TULP4: variants seen among roughly 807,000 people sequenced by gnomAD.
The protein encoded by TULP4 is TUB like protein 4, also known as tubby-related protein 4.
In TULP4, 16 loss-of-function variants were observed where a neutral mutation model predicts 129.0. The ratio of observed to expected loss-of-function variants is 0.12; its 90% CI spans 0.08 to 0.19. TULP4 has a LOEUF of 0.19. TULP4 is among the 10% of genes least tolerant of loss of function. The pLI is 1.00. For missense variants in TULP4, 1,842 were observed against 2,059.1 expected (o/e 0.89, Z 2.04); for synonymous variants, 998 against 854.0 (o/e 1.17, Z -2.94).
chr6:158,349,066 C>CTGGG (rs1780405648), intron 1 of TULP4, among the ~76,000 whole-genome samples: 4 of 63,532 alleles, frequency 6.3e-5, no homozygotes, highest in South Asian at 4.5e-4. Flanking sequence ...GACGGGGCGG[C>CTGGG]CAGGCAGAGG....
chr6:158,376,917 C>T (rs1350343513), intron 1 of TULP4, among the ~76,000 whole-genome samples: 1 of 152,204 alleles, frequency 6.6e-6, no homozygotes, highest in Admixed American at 6.5e-5. Flanking sequence ...CCTGTGACAG[C>T]CACTGGAGAA....
At position 158,302,194 on chromosome 6, in the gene TULP4, A is replaced by G. The variant is rs553769519; in HGVS notation, n.117-9857A>G. Among the ~76,000 whole-genome samples the G allele has an allele frequency of 2.0e-5, 3 of 152,382 alleles. No individual in the cohort carries two copies. In the East Asian group the frequency reaches 5.8e-4, roughly 29 times the overall value. On this transcript the variant is annotated intron_variant and non_coding_transcript_variant, in intron 1 of 1. Coordinates refer to the TULP4 transcript ENST00000432358. ...AGCACCTGTCCAACATAAAGCTGGC[A>G]GATGGTAGGGCTATTCAGCACTCCC... is the stretch of plus-strand genomic sequence containing the variant.
intron 1 of TULP4, among the ~76,000 whole-genome samples, chr6:158,265,870 G>A (rs550709235): frequency 6.6e-6 from 1 of 152,228 alleles, no homozygotes; most frequent in South Asian, 2.1e-4. Flanking sequence ...TAAAACTTTT[G>A]TATTTCACTC....
intron 1 of TULP4, among the ~76,000 whole-genome samples, chr6:158,245,158 A>G (rs1273416033): frequency 6.9e-6 from 1 of 145,460 alleles, no homozygotes; most frequent in Non-Finnish European, 1.5e-5. Flanking sequence ...TGGTCAATTA[A>G]ATTTTTTTTT....
rs1583838097 is a variant in TULP4 at position 158,401,685 on chromosome 6, T to C, written c.253-11380T>C. Among the ~76,000 whole-genome samples the C allele has an allele frequency of 3.9e-5, 6 of 152,192 alleles. 1 individual carries two copies. The South Asian group carries it at 1.2e-3, about 32-fold the overall frequency. ...GAGTCAGCTCTGGACATGAAGGAGC[T>C]CATCTCCGTCTGTAGTGCATCTGAG... On this transcript the variant is annotated intron_variant, in intron 1 of 13. Transcript: ENST00000367097.
At chr6:158,288,755 C>G (rs1207266979) in intron 1 of TULP4, among the ~76,000 whole-genome samples, 1 of 152,192 alleles carries the variant, frequency 6.6e-6, no homozygotes, top group Non-Finnish European at 1.5e-5. Flanking sequence ...CCTCCTCGAC[C>G]TCCCAAAGTG....
rs547917053 is a variant in TULP4 at position 158,303,354 on chromosome 6, C to T, written n.117-8697C>T. Reference sequence around the variant, plus strand: ...GGCCTCTGGGCATGACATCACATGTCGGTAGGACCGTGATGCCCGCCTGAG... The same window carrying T: ...GGCCTCTGGGCATGACATCACATGTTGGTAGGACCGTGATGCCCGCCTGAG... On this transcript the variant is annotated intron_variant and non_coding_transcript_variant, in intron 1 of 1. Transcript: ENST00000432358. Among the ~76,000 whole-genome samples the T allele has an allele frequency of 5.3e-5, 8 of 152,098 alleles. No individual in the cohort carries two copies. The East Asian group carries it at 5.8e-4, about 11-fold the overall frequency.
rs577692701 is a variant in TULP4, at chr6:158,464,748, G to A, written c.1026+3019G>A. On this transcript the variant is annotated intron_variant, in intron 6 of 13. Coordinates refer to ENST00000367097, the MANE Select transcript of TULP4 (RefSeq NM_020245.5). Reference sequence around the variant, plus strand: ...AACTACTTAAGTAGCAGGCTTCAGGGTGAATAAATGGTAAATGTCTCCTTT... The same window carrying A: ...AACTACTTAAGTAGCAGGCTTCAGGATGAATAAATGGTAAATGTCTCCTTT... Among the ~76,000 whole-genome samples the A allele has an allele frequency of 3.3e-5, 5 of 152,278 alleles. No homozygotes were observed. In the South Asian group the frequency reaches 1.0e-3, roughly 32 times the overall value.
chr6:158,254,590 T>C (rs1006248931), intron 1 of TULP4, among the ~76,000 whole-genome samples: 8 of 152,280 alleles, frequency 5.3e-5, no homozygotes, highest in Admixed American at 2.0e-4. Flanking sequence ...TGCTTACTTA[T>C]GTTTAACCCC....
chr6:158,452,407 T>A, intron 5 of TULP4, 139 bp downstream of exon 5: 4 of 1,093,414 alleles, frequency 3.7e-6, no homozygotes, highest in East Asian at 2.7e-5. Context: ...GTCTGTTAAC[T>A]AAAGCCACTC....
intron 1 of TULP4, among the ~76,000 whole-genome samples, chr6:158,408,146 C>T (rs1428507330): frequency 6.6e-6 from 1 of 152,066 alleles, no homozygotes; most frequent in African/African-American, 2.4e-5. Context: ...ATTTGTGTGA[C>T]GGAGCGCAGT....
Position 158,459,506 on chromosome 6 carries a change from T to G in TULP4, c.860-2057T>G, listed in dbSNP as rs188848261. ...ATTCTTGCCTCAGATAGATAGCCCA[T>G]CTCGTAGACAGAGCCTGGGAGTGCC... On this transcript the variant is annotated intron_variant, in intron 5 of 13. Coordinates refer to ENST00000367097, the MANE Select transcript of TULP4 (RefSeq NM_020245.5). Among the ~76,000 whole-genome samples, 733 of 151,972 alleles carry G rather than the reference T, an allele frequency of 4.8e-3. 5 individuals carry two copies. The highest frequency in any genetic ancestry group is 0.017 in the African/African-American group (685 of 41,436).
At chr6:158,348,456 T>G (rs1015407923) in intron 1 of TULP4, among the ~76,000 whole-genome samples, 15 of 152,220 alleles carry the variant, frequency 9.9e-5, no homozygotes, top group Admixed American at 8.5e-4. Flanking sequence ...AACCCTGAGT[T>G]GACACAGCAC....
intron 1 of TULP4, among the ~76,000 whole-genome samples, chr6:158,391,149 C>T (rs1289767601): frequency 6.6e-6 from 1 of 152,112 alleles, no homozygotes; most frequent in African/African-American, 2.4e-5. Context: ...AATGACACAA[C>T]TTTAATGTCA....
chr6:158,422,544 C>T (rs1037803125), intron 2 of TULP4, among the ~76,000 whole-genome samples: 2 of 152,086 alleles, frequency 1.3e-5, no homozygotes, highest in African/African-American at 2.4e-5. Flanking sequence ...AGACAAAACA[C>T]GGACACATGT....
chr6:158,459,430 C>CAAAA (rs5881265), intron 5 of TULP4, among the ~76,000 whole-genome samples: 1 of 144,788 alleles, frequency 6.9e-6, no homozygotes. Context: ...AACTCTGTCT[C>CAAAA]AAAAAAAAAA....
chr6:158,298,316 G>A (rs1460179849), intron 1 of TULP4, among the ~76,000 whole-genome samples: 1 of 152,162 alleles, frequency 6.6e-6, no homozygotes, highest in South Asian at 2.1e-4. Flanking sequence ...AAAGATAACA[G>A]GATTAAGAGA....
chr6:158,352,458 A>ACGG (rs1284171330), intron 1 of TULP4, among the ~76,000 whole-genome samples: 1 of 152,166 alleles, frequency 6.6e-6, no homozygotes, highest in African/African-American at 2.4e-5. Flanking sequence ...GTGCAGTGGC[A>ACGG]CGATCTCGGC....
At chr6:158,262,335 T>A (rs1009547137) in intron 1 of TULP4, among the ~76,000 whole-genome samples, 4 of 152,170 alleles carry the variant, frequency 2.6e-5, no homozygotes, top group African/African-American at 7.2e-5. Context: ...ACTTTAGTTG[T>A]GGGCTGCCTG....
Sources: allele counts gnomAD v4.1 joint callset (sites outside exome capture counted in the v4.1 genomes callset), GRCh38; gene constraint gnomAD v4.1.1; transcripts MANE v1.5; gene names NCBI Gene and HGNC (gene_info 2026-07-23, HGNC 2026-07-21).